The following UTY variants were observed in gnomAD, a reference collection of about 807,000 sequenced individuals.
UTY encodes the protein ubiquitously transcribed tetratricopeptide repeat containing, Y-linked.
A neutral mutation model predicts 32.5 loss-of-function variants in UTY; 12 were observed. The ratio of observed to expected loss-of-function variants is 0.37; its 90% CI spans 0.24 to 0.60. The LOEUF is 0.60. Ranked by LOEUF, UTY falls within the 20% of genes least tolerant of loss-of-function variation. UTY has a pLI of 0.69. For synonymous variants in UTY, 131 were observed against 103.4 expected (o/e 1.27, Z -1.62); for missense variants, 303 against 299.2 (o/e 1.01, Z -0.09).
At chrY:13,403,962 T>C in intron 6 of UTY, among the ~76,000 whole-genome samples, 1 of 33,562 alleles carries the variant, frequency 3.0e-5, no homozygotes, top group Non-Finnish European at 7.4e-5. Flanking sequence ...TCTCTCATTC[T>C]TATTTATGAT....
intron 8 of UTY, among the ~76,000 whole-genome samples, chrY:13,383,882 G>T: frequency 1.8e-4 from 6 of 32,707 alleles, no homozygotes. Flanking sequence ...GATAATAAGA[G>T]AATGCAATAA....
upstream of UTY, chrY:13,480,501 G>C: frequency 3.0e-5 from 1 of 33,148 alleles, no homozygotes; most frequent in African/African-American, 1.2e-4. Flanking sequence ...TTGGCCCTAA[G>C]GCCTTGTCAC....
chrY:13,260,443 A>C (rs199595814), intron 27 of UTY, 39 bp from the exon 28 acceptor site: 1,561 of 343,614 alleles, frequency 4.5e-3, no homozygotes, highest in Admixed American at 9.4e-3. Flanking sequence ...GTAACTACTG[A>C]ATATTTTACA....
At chrY:13,327,783 T>C in intron 18 of UTY, among the ~76,000 whole-genome samples, 1 of 33,869 alleles carries the variant, frequency 3.0e-5, no homozygotes, top group Non-Finnish European at 7.3e-5. Context: ...TTTAAACACA[T>C]AGAATATACT....
At chrY:13,378,060 C>T (rs747292934) in intron 8 of UTY, among the ~76,000 whole-genome samples, 1 of 33,029 alleles carries the variant, frequency 3.0e-5, no homozygotes, top group Non-Finnish European at 7.5e-5. Context: ...AAGATTTCAA[C>T]ATATAAGTTT....
intron 4 of UTY, among the ~76,000 whole-genome samples, chrY:13,419,573 G>A: frequency 2.9e-5 from 1 of 33,924 alleles, no homozygotes; most frequent in African/African-American, 1.2e-4. Context: ...CCCACCTTAA[G>A]GATGATTAGG....
At chrY:13,237,976 G>A in intron 28 of UTY, among the ~76,000 whole-genome samples, 1 of 33,862 alleles carries the variant, frequency 3.0e-5, no homozygotes, top group African/African-American at 1.2e-4. Flanking sequence ...TGAGGCATGA[G>A]TAGCACATGT....
downstream of UTY, among the ~76,000 whole-genome samples, chrY:13,246,818 A>G: frequency 4.3e-5 from 1 of 23,286 alleles, no homozygotes; most frequent in African/African-American, 1.8e-4. Flanking sequence ...CAGTGGTTGC[A>G]GTAAGCCGAG....
At chrY:13,397,600 G>A in intron 6 of UTY, among the ~76,000 whole-genome samples, 1 of 32,705 alleles carries the variant, frequency 3.1e-5, no homozygotes, top group Non-Finnish European at 7.6e-5. Context: ...CACTGAAAGC[G>A]GTGCTTTTAA....
chrY:13,367,881 T>C (rs2064355615), intron 9 of UTY, among the ~76,000 whole-genome samples: 1 of 32,689 alleles, frequency 3.1e-5, no homozygotes, highest in African/African-American at 1.2e-4. Context: ...CACTAAGATG[T>C]TCTATAAATT....
At chrY:13,262,724 C>T (rs2055403090) in intron 27 of UTY, among the ~76,000 whole-genome samples, 1 of 31,083 alleles carries the variant, frequency 3.2e-5, no homozygotes, top group Admixed American at 3.0e-4. Context: ...CCACCATGCC[C>T]AGTGAATTTC....
chrY:13,284,364 T>C (rs2057220590), intron 27 of UTY, among the ~76,000 whole-genome samples: 2 of 33,823 alleles, frequency 5.9e-5, no homozygotes, highest in African/African-American at 2.3e-4. Flanking sequence ...ATGTTAATTA[T>C]AAAAAAAATT....
At chrY:13,240,571 A>T in intron 28 of UTY, among the ~76,000 whole-genome samples, 1 of 33,775 alleles carries the variant, frequency 3.0e-5, no homozygotes, top group African/African-American at 1.2e-4. Context: ...AATTGCAGAG[A>T]GCATACTCTT....
intron 8 of UTY, among the ~76,000 whole-genome samples, chrY:13,377,660 C>T: frequency 3.0e-5 from 1 of 32,797 alleles, no homozygotes; most frequent in Non-Finnish European, 7.5e-5. Flanking sequence ...TGCAGTGAGC[C>T]GAGACTGAGC....
At chrY:13,368,432 T>A (rs9786151) in intron 9 of UTY, among the ~76,000 whole-genome samples, 1 of 30,501 alleles carries the variant, frequency 3.3e-5, no homozygotes, top group African/African-American at 1.3e-4. Flanking sequence ...CAGGCTGGAG[T>A]GCAGTGGCGC....
intron 6 of UTY, among the ~76,000 whole-genome samples, chrY:13,402,679 C>T: frequency 8.9e-5 from 3 of 33,528 alleles, no homozygotes; most frequent in African/African-American, 3.5e-4. Context: ...TCACCTCATC[C>T]TCTAAAAAGA....
chrY:13,381,239 T>TA (rs2066103276), intron 8 of UTY, among the ~76,000 whole-genome samples: 2 of 34,234 alleles, frequency 5.8e-5, no homozygotes. Context: ...AGTGCACAAT[T>TA]AAGAGTTAAG....
intron 3 of UTY, among the ~76,000 whole-genome samples, chrY:13,469,486 G>A: frequency 3.1e-5 from 1 of 32,663 alleles, no homozygotes; most frequent in African/African-American, 1.2e-4. Flanking sequence ...TAGGATTACA[G>A]GCATGAGCCA....
At chrY:13,406,953 A>C in intron 6 of UTY, among the ~76,000 whole-genome samples, 1 of 30,571 alleles carries the variant, frequency 3.3e-5, no homozygotes, top group Non-Finnish European at 8.0e-5. Context: ...AGGGTGGGGG[A>C]TATTGTGAGA....
Sources: allele counts gnomAD v4.1 joint callset (sites outside exome capture counted in the v4.1 genomes callset), GRCh38; gene constraint gnomAD v4.1.1; transcripts MANE v1.5; gene names NCBI Gene and HGNC (gene_info 2026-07-23, HGNC 2026-07-21).